The following POLA1 variants were observed in gnomAD, a reference collection of about 807,000 sequenced individuals.
POLA1 encodes DNA polymerase alpha 1, catalytic subunit.
In POLA1, 15 loss-of-function variants were observed where a neutral mutation model predicts 124.0. That is an observed-to-expected ratio of 0.12 (90% CI 0.08 to 0.19). The LOEUF is 0.19. Among genes scored for constraint, POLA1 ranks in the 10% least tolerant of loss-of-function variants. The probability of loss-of-function intolerance (pLI) is 1.00; values close to 1 mark genes in which losing one functional copy is unlikely to be tolerated. For synonymous variants in POLA1, 408 were observed against 389.4 expected (o/e 1.05, Z -0.56); for missense variants, 886 against 1,103.4 (o/e 0.80, Z 2.79).
intron 15 of POLA1, among the ~76,000 whole-genome samples, chrX:24,730,064 T>C (rs1490871587): frequency 9.0e-6 from 1 of 111,441 alleles, no homozygotes; most frequent in East Asian, 2.8e-4. Flanking sequence ...CCCAAAGTGC[T>C]GGAATTACAG....
intron 32 of POLA1, among the ~76,000 whole-genome samples, chrX:24,838,269 T>A (rs1250874898): frequency 8.9e-6 from 1 of 111,980 alleles, no homozygotes; most frequent in Non-Finnish European, 1.9e-5. Flanking sequence ...TTTCTAATTA[T>A]AAATGACAGT....
intron 26 of POLA1, among the ~76,000 whole-genome samples, chrX:24,760,883 A>C (rs959880812): frequency 2.7e-5 from 3 of 111,625 alleles, no homozygotes; most frequent in Admixed American, 9.5e-5. Flanking sequence ...TCTTAGACTT[A>C]CTTTGAAATT....
chrX:24,837,063 T>G (rs1315092843), intron 32 of POLA1, among the ~76,000 whole-genome samples: 2 of 112,040 alleles, frequency 1.8e-5, no homozygotes, highest in Admixed American at 1.9e-4. Context: ...TTGGAGGATT[T>G]CAGATTTTTG....
At chrX:24,900,944 G>A in intron 35 of POLA1, among the ~76,000 whole-genome samples, 1 of 111,656 alleles carries the variant, frequency 9.0e-6, no homozygotes, top group Non-Finnish European at 1.9e-5. Context: ...ATGCCAAGCA[G>A]AGATCATTTT....
At chrX:24,789,528 G>T (rs921260288) in intron 26 of POLA1, among the ~76,000 whole-genome samples, 5 of 110,462 alleles carry the variant, frequency 4.5e-5, no homozygotes, top group Non-Finnish European at 9.4e-5. Flanking sequence ...CATGGAAAGG[G>T]CCTGTGTTCA....
intron 36 of POLA1, among the ~76,000 whole-genome samples, chrX:24,960,567 T>G (rs1486198695): frequency 6.3e-5 from 7 of 111,316 alleles, no homozygotes. Context: ...TCTTTTGGAG[T>G]GGGGGGATTA....
At chrX:24,910,107 A>G (rs764907146) in intron 35 of POLA1, among the ~76,000 whole-genome samples, 1 of 106,661 alleles carries the variant, frequency 9.4e-6, no homozygotes, top group South Asian at 4.3e-4. Flanking sequence ...ACTTTGCTGA[A>G]GTTGCTTATC....
At chrX:24,919,843 C>CTTTTTT (rs2047590234) in intron 35 of POLA1, among the ~76,000 whole-genome samples, 1 of 20,682 alleles carries the variant, frequency 4.8e-5, no homozygotes, top group African/African-American at 1.8e-4. Context: ...TTTTGTTTTT[C>CTTTTTT]TGTTTTTTTT....
intron 36 of POLA1, among the ~76,000 whole-genome samples, chrX:24,992,472 C>G (rs1397942893): frequency 8.9e-6 from 1 of 112,544 alleles, no homozygotes; most frequent in Non-Finnish European, 1.9e-5. Context: ...GACTGTATAA[C>G]ACCTGACAGA....
intron 4 of POLA1, among the ~76,000 whole-genome samples, chrX:24,710,324 C>T (rs768615093): frequency 1.8e-5 from 2 of 111,578 alleles, no homozygotes; most frequent in Admixed American, 9.4e-5. Flanking sequence ...AGCTTTCTAT[C>T]TTTATGGATT....
Position 24,826,457 on chromosome X carries a change from G to A in POLA1, c.3592G>A (p.Ala1198Thr), listed in dbSNP as rs2046171557. Residue 1198 changes from alanine to threonine, a missense_variant, in exon 32 of 37, where the codon GCC (alanine) becomes ACC (threonine). Ala to Thr is a moderately conservative substitution (Grantham distance 58). Around this residue, in one of 7 missense-constraint regions of POLA1, gnomAD observed 313 missense variants for 359.7 expected, o/e 0.87. Coordinates refer to ENST00000379068, the MANE Select transcript of POLA1 (RefSeq NM_001330360.2). ...ATCAAACCTCACTGCAAGTCAGAGG[G>A]CCTATGCGCCTGAGCAGCTGCAGAA... ...DGSNLTASQR[A>T]YAPEQLQKQD... 1 of 1,204,752 alleles carries A rather than the reference G, an allele frequency of 8.3e-7. No homozygotes were observed. Among genetic ancestry groups the A allele is most frequent in the Non-Finnish European group, 1.1e-6 (1 of 890,649 alleles).
chrX:24,779,592 C>G (rs920547535), intron 26 of POLA1, among the ~76,000 whole-genome samples: 55 of 111,922 alleles, frequency 4.9e-4, no homozygotes, highest in Non-Finnish European at 7.5e-5. Flanking sequence ...TTTGAGGAAA[C>G]AGGTAAAAGA....
In POLA1 at chrX:24,837,652, G is replaced by C. The variant is rs190106859; in HGVS notation, c.3737-4000G>C. ...CGCATATTGTCCTCTAAGATGTCCA[G>C]ATATATGAAAGCCTGGACTCATGCA... On this transcript the variant is annotated intron_variant, in intron 32 of 36. Coordinates refer to ENST00000379068, the MANE Select transcript of POLA1 (RefSeq NM_001330360.2). 1.3e-3 allele frequency among the ~76,000 whole-genome samples: 142 copies of C among 111,884 alleles called. 1 individual carries two copies. The highest frequency in any genetic ancestry group is 1.9e-3 in the Admixed American group (20 of 10,525).
chrX:24,753,270 G>A (rs1932418174), intron 26 of POLA1, among the ~76,000 whole-genome samples: 2 of 110,337 alleles, frequency 1.8e-5, no homozygotes, highest in African/African-American at 3.3e-5. Context: ...CACCTGCCTC[G>A]GCCTCCCAAA....
At chrX:24,709,043 G>C (rs1468245166) in intron 4 of POLA1, among the ~76,000 whole-genome samples, 2 of 94,318 alleles carry the variant, frequency 2.1e-5, no homozygotes, top group Non-Finnish European at 4.5e-5. Context: ...CCTCCCAGAC[G>C]GGGCGGCTGG....
intron 3 of POLA1, 52 bp from the exon 4 acceptor site, chrX:24,704,337 T>C: frequency 1.1e-6 from 1 of 924,826 alleles, no homozygotes; most frequent in Non-Finnish European, 1.6e-6. Flanking sequence ...GGCTAAAATA[T>C]TATTGGCCAC....
intron 36 of POLA1, among the ~76,000 whole-genome samples, chrX:24,949,387 G>A: frequency 9.0e-6 from 1 of 111,550 alleles, no homozygotes; most frequent in Non-Finnish European, 1.9e-5. Flanking sequence ...AAGCTGAGTA[G>A]CAGCTAAGCA....
chrX:24,699,343 G>T, intron 1 of POLA1, 82 bp from the exon 2 acceptor site: 1 of 752,016 alleles, frequency 1.3e-6, no homozygotes, highest in Non-Finnish European at 1.9e-6. Flanking sequence ...GTTATTGTTG[G>T]CTAGAAACTT....
chrX:24,835,342 G>T (rs2046327853), intron 32 of POLA1, among the ~76,000 whole-genome samples: 1 of 110,863 alleles, frequency 9.0e-6, no homozygotes, highest in South Asian at 3.8e-4. Context: ...GTGAGTCAGT[G>T]CGCCCGGCCC....
Sources: gnomAD v4.1 joint callset for allele counts (sites outside exome capture counted in the v4.1 genomes callset) on GRCh38, gnomAD v4.1.1 for gene constraint, gnomAD v4.1.1 regional missense constraint, MANE v1.5 for transcripts, NCBI Gene and HGNC (gene_info 2026-07-23, HGNC 2026-07-21) for gene names.